SGCZ: variants seen among roughly 807,000 people sequenced by gnomAD.
SGCZ encodes zeta-sarcoglycan.
SGCZ carries 40 observed loss-of-function variants against 41.3 expected under a neutral mutation model. That is an observed-to-expected ratio of 0.97 (90% CI 0.75 to 1.26). SGCZ has a LOEUF of 1.26. SGCZ is among the 50% of genes most tolerant of loss of function. The pLI is 0.00. For missense variants in SGCZ, 552 were observed against 369.8 expected (o/e 1.49, Z -4.04); for synonymous variants, 206 against 137.5 (o/e 1.50, Z -3.49).
chr8:14,702,617 A>G (rs1278107655), intron 1 of SGCZ, among the ~76,000 whole-genome samples: 1 of 151,904 alleles, frequency 6.6e-6, no homozygotes, highest in Non-Finnish European at 1.5e-5. Flanking sequence ...AGTGTTCTGC[A>G]TCTTAATAAA....
intron 5 of SGCZ, among the ~76,000 whole-genome samples, chr8:14,124,733 C>T (rs901038974): frequency 6.6e-6 from 1 of 152,092 alleles, no homozygotes; most frequent in Non-Finnish European, 1.5e-5. Flanking sequence ...CAAATATGCT[C>T]ATTCTTATTC....
intron 1 of SGCZ, among the ~76,000 whole-genome samples, chr8:15,232,076 C>G (rs1032340669): frequency 1.3e-5 from 2 of 152,138 alleles, no homozygotes; most frequent in African/African-American, 4.8e-5. Context: ...AAACAGTTAC[C>G]AATTTAAATG....
chr8:14,768,616 A>G (rs1800120386), intron 1 of SGCZ, among the ~76,000 whole-genome samples: 1 of 152,152 alleles, frequency 6.6e-6, no homozygotes, highest in Non-Finnish European at 1.5e-5. Context: ...TCCCTTCCCC[A>G]TCAGGATCCA....
intron 1 of SGCZ, among the ~76,000 whole-genome samples, chr8:14,755,129 A>T (rs1799618554): frequency 6.6e-6 from 1 of 151,770 alleles, no homozygotes; most frequent in African/African-American, 2.4e-5. Context: ...TTTTTCTGTA[A>T]TTTTTTTACC....
At chr8:14,949,185 C>T (rs1053056556) in intron 1 of SGCZ, among the ~76,000 whole-genome samples, 3 of 152,056 alleles carry the variant, frequency 2.0e-5, no homozygotes, top group South Asian at 2.1e-4. Flanking sequence ...TAGCTGGAAG[C>T]TGTGTTTTCA....
chr8:14,174,175 C>T (rs1056080152), intron 4 of SGCZ, among the ~76,000 whole-genome samples: 1 of 152,022 alleles, frequency 6.6e-6, no homozygotes, highest in Non-Finnish European at 1.5e-5. Flanking sequence ...ATAGTTAATA[C>T]AATCTTTAAA....
intron 4 of SGCZ, among the ~76,000 whole-genome samples, chr8:14,174,628 A>G (rs1044936772): frequency 6.6e-6 from 1 of 152,148 alleles, no homozygotes; most frequent in Non-Finnish European, 1.5e-5. Flanking sequence ...AACAACACTG[A>G]GAAAATAAAG....
intron 2 of SGCZ, among the ~76,000 whole-genome samples, chr8:14,443,986 CA>C (rs1246429238): frequency 8.5e-5 from 13 of 152,108 alleles, no homozygotes; most frequent in African/African-American, 3.1e-4. Context: ...ACAACCCCAT[CA>C]AAAAGTGGGT....
chr8:14,572,941 C>A (rs560592658), intron 1 of SGCZ, among the ~76,000 whole-genome samples: 1 of 152,166 alleles, frequency 6.6e-6, no homozygotes, highest in Non-Finnish European at 1.5e-5. Flanking sequence ...AATACCTATA[C>A]ATGCAAAGCA....
intron 5 of SGCZ, among the ~76,000 whole-genome samples, chr8:14,131,397 T>C (rs1767799249): frequency 6.6e-6 from 1 of 152,206 alleles, no homozygotes; most frequent in Non-Finnish European, 1.5e-5. Flanking sequence ...CAGTTCTTGG[T>C]TGACAAGTTG....
At chr8:14,595,232 A>T (rs538698364) in intron 1 of SGCZ, among the ~76,000 whole-genome samples, 1 of 152,306 alleles carries the variant, frequency 6.6e-6, no homozygotes, top group Non-Finnish European at 1.5e-5. Context: ...CCCTTCAGGC[A>T]AGATTAAATA....
rs1337823400 is a variant in SGCZ at position 14,090,558 on chromosome 8, C to A, written c.824G>T (p.Ser275Ile). 1 of 1,613,018 alleles carries A rather than the reference C, an allele frequency of 6.2e-7. No individual in the cohort carries two copies. Among genetic ancestry groups the A allele is most frequent in the Non-Finnish European group, 8.5e-7 (1 of 1,179,444 alleles). The change falls in exon 8 of 8, where the codon AGT (serine) becomes ATT (isoleucine). Residue 275 changes from serine (S) to isoleucine (I), a missense_variant. Physicochemically the swap from Ser to Ile is moderately radical, Grantham distance 142. Transcript: ENST00000382080. Reference protein sequence around the residue: ...SFSSSSPSSSSSRQTVYELCV... With the variant: ...SFSSSSPSSSISRQTVYELCV... ...GAGTTCATACACTGTCTGTCGAGAACTTGAGGAGCTGGGTGAAGAAGATGA... is the reference window on the plus strand; with the variant it reads ...GAGTTCATACACTGTCTGTCGAGAAATTGAGGAGCTGGGTGAAGAAGATGA...
At chr8:14,988,107 A>AT (rs1432827020) in intron 1 of SGCZ, among the ~76,000 whole-genome samples, 1 of 152,038 alleles carries the variant, frequency 6.6e-6, no homozygotes, top group Non-Finnish European at 1.5e-5. Flanking sequence ...TGAAATGGTG[A>AT]TTTAAAATAT....
intron 1 of SGCZ, among the ~76,000 whole-genome samples, chr8:15,182,653 C>T (rs1176254696): frequency 6.6e-6 from 1 of 152,140 alleles, no homozygotes; most frequent in African/African-American, 2.4e-5. Flanking sequence ...GGGTGAGTCT[C>T]AGTGAGTGGT....
At chr8:14,685,300 T>C (rs1437294694) in intron 1 of SGCZ, among the ~76,000 whole-genome samples, 3 of 152,108 alleles carry the variant, frequency 2.0e-5, no homozygotes, top group African/African-American at 7.2e-5. Context: ...CATTTCCAAT[T>C]ACAGAGTAAA....
At chr8:14,959,793 G>A (rs537325193) in intron 1 of SGCZ, among the ~76,000 whole-genome samples, 22 of 152,188 alleles carry the variant, frequency 1.4e-4, no homozygotes, top group Admixed American at 2.0e-4. Flanking sequence ...ATTGGTAATC[G>A]AAATAGTCTT....
intron 1 of SGCZ, among the ~76,000 whole-genome samples, chr8:15,082,697 C>T (rs1399418459): frequency 1.3e-5 from 2 of 152,114 alleles, no homozygotes; most frequent in Non-Finnish European, 2.9e-5. Context: ...CATCTATTAT[C>T]CCTGAGAGGA....
intron 2 of SGCZ, among the ~76,000 whole-genome samples, chr8:14,536,669 C>G (rs1435085202): frequency 6.6e-6 from 1 of 151,640 alleles, no homozygotes; most frequent in African/African-American, 2.4e-5. Flanking sequence ...AAACATAATT[C>G]CTTTGACCCT....
chr8:14,674,939 T>TG lies in SGCZ; in HGVS notation c.40-120014_40-120013insC, dbSNP rs1438756628. On this transcript the variant is annotated intron_variant, in intron 1 of 7. Transcript: ENST00000382080. ...CTCTTTTCTTTTCTGTTTTTTTTTT[T>TG]TTTTTTTTTTTTTTTTTGAGATGGA... 5.5e-5 allele frequency among the ~76,000 whole-genome samples: 6 copies of TG among 109,690 alleles called. No homozygotes were observed. The East Asian group carries it at 1.6e-3, about 29-fold the overall frequency. 72.0% of individuals were successfully genotyped at this position (109,690 alleles called of 152,430 possible). A position where few individuals can be genotyped will look rare whatever the true frequency, so the allele number is the denominator to read the frequency against.
Sources: allele counts gnomAD v4.1 joint callset (sites outside exome capture counted in the v4.1 genomes callset), GRCh38; gene constraint gnomAD v4.1.1; transcripts MANE v1.5; gene names NCBI Gene and HGNC (gene_info 2026-07-23, HGNC 2026-07-21).